OSBPL10: variants seen among roughly 807,000 people sequenced by gnomAD.
OSBPL10 encodes the protein oxysterol-binding protein-related protein 10.
Under a neutral mutation model 81.7 loss-of-function variants are expected in OSBPL10, and 49 were observed. The ratio of observed to expected loss-of-function variants is 0.60; its 90% CI spans 0.48 to 0.76. The LOEUF is 0.76. Among genes scored for constraint, OSBPL10 ranks in the 30% least tolerant of loss-of-function variants. OSBPL10 has a pLI of 0.00. For synonymous variants in OSBPL10, 419 were observed against 383.6 expected (o/e 1.09, Z -1.08); for missense variants, 923 against 987.8 (o/e 0.93, Z 0.88).
Position 31,751,064 on chromosome 3 carries a change from G to A in OSBPL10, c.730-2944C>T, listed in dbSNP as rs545765241. 8.5e-5 allele frequency among the ~76,000 whole-genome samples: 13 copies of A among 152,216 alleles called. No homozygotes were observed. The East Asian group carries it at 2.5e-3, about 29-fold the overall frequency. ...TTCACGCCTGTAATCCCAGCACTTT[G>A]GGAGGCCAAGGAGGGCAGATCACTT... On this transcript the variant is annotated intron_variant, in intron 4 of 11. Transcript: ENST00000396556.
chr3:31,926,548 T>C (rs544820172), intron 1 of OSBPL10, among the ~76,000 whole-genome samples: 81 of 152,092 alleles, frequency 5.3e-4, no homozygotes, highest in Non-Finnish European at 7.6e-4. Flanking sequence ...AGACAGGAAA[T>C]CACAAAAATT....
chr3:31,961,954 T>TTTTTTA (rs1333736355), intron 1 of OSBPL10, among the ~76,000 whole-genome samples: 1 of 151,734 alleles, frequency 6.6e-6, no homozygotes, highest in African/African-American at 2.4e-5. Flanking sequence ...AGGGTTGCTT[T>TTTTTTA]TTTTTATTTT....
intron 1 of OSBPL10, among the ~76,000 whole-genome samples, chr3:31,965,787 G>A (rs181935241): frequency 2.2e-5 from 1 of 45,996 alleles, no homozygotes; most frequent in African/African-American, 9.5e-5. Context: ...TATATAAATA[G>A]ATAAGATATA....
chr3:31,795,140 T>TAAAACCA, intron 4 of OSBPL10: 1 of 121,786 alleles, frequency 8.2e-6, no homozygotes. Flanking sequence ...AAACCTTTTT[T>TAAAACCA]TTTTTTTTTT....
intron 2 of OSBPL10, among the ~76,000 whole-genome samples, chr3:32,027,933 G>A (rs1699431733): frequency 6.6e-6 from 1 of 152,202 alleles, no homozygotes; most frequent in South Asian, 2.1e-4. Context: ...TAGAGGAATG[G>A]AGAGACTGGA....
intron 4 of OSBPL10, among the ~76,000 whole-genome samples, chr3:31,770,701 G>C (rs1034243800): frequency 1.2e-4 from 18 of 152,084 alleles, no homozygotes; most frequent in Middle Eastern, 3.2e-3. Context: ...CAGGAGAATC[G>C]CTTGAACCCA....
intron 3 of OSBPL10, among the ~76,000 whole-genome samples, chr3:31,837,996 ATTT>A (rs1207090197): frequency 6.6e-6 from 1 of 152,272 alleles, no homozygotes; most frequent in East Asian, 1.9e-4. Flanking sequence ...TTCCGGCAGG[ATTT>A]TTTGAGCAAC....
At chr3:31,788,990 T>G (rs1220209471) in intron 4 of OSBPL10, among the ~76,000 whole-genome samples, 2 of 152,108 alleles carry the variant, frequency 1.3e-5, no homozygotes, top group Non-Finnish European at 2.9e-5. Flanking sequence ...TTTTGTTTTT[T>G]GTTTTTGAGA....
chr3:31,684,218 T>C, intron 7 of OSBPL10, 104 bp from the exon 8 acceptor site: 1 of 1,447,440 alleles, frequency 6.9e-7, no homozygotes, highest in Non-Finnish European at 9.3e-7. Context: ...TCATAACATC[T>C]CCAGCCAGGG....
At chr3:31,991,615 T>C (rs1441963341) in intron 2 of OSBPL10, 1 of 166,646 alleles carries the variant, frequency 6.0e-6, no homozygotes, top group African/African-American at 2.4e-5. Context: ...AAATACACTG[T>C]GTTTATTAGC....
chr3:31,848,371 G>A (rs866887457), intron 3 of OSBPL10, among the ~76,000 whole-genome samples: 10 of 151,318 alleles, frequency 6.6e-5, no homozygotes, highest in Non-Finnish European at 1.2e-4. Context: ...ACAGACATAC[G>A]GCAAGTTCAA....
At chr3:31,783,146 T>TATATATATATACACACAC (rs1485968747) in intron 4 of OSBPL10, among the ~76,000 whole-genome samples, 62 of 112,938 alleles carry the variant, frequency 5.5e-4, no homozygotes, top group African/African-American at 2.1e-3. Flanking sequence ...TATATATATA[T>TATATATATATACACACAC]ACACACACAC....
At chr3:31,804,730 A>G (rs535722212) in intron 4 of OSBPL10, among the ~76,000 whole-genome samples, 2 of 152,354 alleles carry the variant, frequency 1.3e-5, no homozygotes, top group South Asian at 4.1e-4. Flanking sequence ...CGAAGTGCTG[A>G]CTGCCAACAG....
At chr3:31,749,407 T>C (rs1191849519) in intron 4 of OSBPL10, among the ~76,000 whole-genome samples, 1 of 152,260 alleles carries the variant, frequency 6.6e-6, no homozygotes, top group East Asian at 1.9e-4. Flanking sequence ...AATCTGGCCA[T>C]GCAAATTGTT....
intron 2 of OSBPL10, among the ~76,000 whole-genome samples, chr3:32,021,290 C>T (rs528384544): frequency 6.6e-6 from 1 of 152,294 alleles, no homozygotes; most frequent in South Asian, 2.1e-4. Flanking sequence ...ATTTTCTCCG[C>T]GTTGCTGCTT....
chr3:31,705,372 A>ACCCCCCC (rs3840254), intron 6 of OSBPL10, among the ~76,000 whole-genome samples: 11 of 130,554 alleles, frequency 8.4e-5, no homozygotes, highest in Non-Finnish European at 1.3e-4. Flanking sequence ...CAAAGAGAAG[A>ACCCCCCC]CCCCCCCCCC....
At chr3:31,703,028 G>C (rs1195111605) in intron 6 of OSBPL10, among the ~76,000 whole-genome samples, 1 of 152,194 alleles carries the variant, frequency 6.6e-6, no homozygotes, top group Non-Finnish European at 1.5e-5. Context: ...AAAATGCTGA[G>C]AATTGGCATT....
At chr3:31,882,865 A>C (rs886385348) in intron 1 of OSBPL10, among the ~76,000 whole-genome samples, 16 of 152,236 alleles carry the variant, frequency 1.1e-4, no homozygotes, top group Non-Finnish European at 2.1e-4. Flanking sequence ...GCCTTACATT[A>C]ACAAAGACAT....
At chr3:31,733,107 T>C in intron 6 of OSBPL10, 150 bp downstream of exon 6, 4 of 1,052,474 alleles carry the variant, frequency 3.8e-6, no homozygotes, top group Non-Finnish European at 4.1e-6. Context: ...GGCATGCACA[T>C]AGCTGATTTT....
Sources: allele counts gnomAD v4.1 joint callset (sites outside exome capture counted in the v4.1 genomes callset), GRCh38; gene constraint gnomAD v4.1.1; transcripts MANE v1.5; gene names NCBI Gene and HGNC (gene_info 2026-07-23, HGNC 2026-07-21).